The following AGPAT5 variants were observed in gnomAD, a reference collection of about 807,000 sequenced individuals.
AGPAT5 encodes the protein 1-acylglycerol-3-phosphate O-acyltransferase 5.
AGPAT5 carries 46 observed loss-of-function variants against 45.6 expected under a neutral mutation model. The observed-to-expected ratio is 1.01, with a 90% CI of 0.80 to 1.29. The LOEUF is 1.29. Ranked by LOEUF, AGPAT5 falls within the 50% of genes most tolerant of loss-of-function variation. AGPAT5 has a pLI of 0.00. For missense variants in AGPAT5, 673 were observed against 450.7 expected (o/e 1.49, Z -4.47); for synonymous variants, 272 against 167.0 (o/e 1.63, Z -4.85).
Position 6,760,520 on chromosome 8 carries a change from G to C in AGPAT5, c.*3132G>C, listed in dbSNP as rs893779886. ...GAAATGTCTACCAAAGCAGTATTTT[G>C]TGTGTATAATTGCAAGCGCATAGTA... On this transcript the variant is annotated 3_prime_UTR_variant, in exon 8 of 8. Coordinates refer to ENST00000285518, the MANE Select transcript of AGPAT5 (RefSeq NM_018361.5). Among the ~76,000 whole-genome samples, 2 of 152,208 alleles carry C rather than the reference G, an allele frequency of 1.3e-5. No homozygotes were observed. The highest frequency in any genetic ancestry group is 6.5e-5 in the Admixed American group (1 of 15,282).
chr8:6,751,461 G>C (rs1426817655), intron 6 of AGPAT5, among the ~76,000 whole-genome samples: 1 of 152,224 alleles, frequency 6.6e-6, no homozygotes, highest in East Asian at 1.9e-4. Context: ...GCAGGTGAGA[G>C]CTGGGAAGCT....
chr8:6,721,936 T>G (rs1800517526), intron 1 of AGPAT5, among the ~76,000 whole-genome samples: 1 of 152,056 alleles, frequency 6.6e-6, no homozygotes. Flanking sequence ...CAAGCGATTC[T>G]TCTGCTTGAG....
chr8:6,732,694 T>C (rs1378232627), intron 4 of AGPAT5, 44 bp downstream of exon 4: 1 of 1,439,768 alleles, frequency 6.9e-7, no homozygotes, highest in Non-Finnish European at 9.4e-7. Flanking sequence ...GCTCTCAGTT[T>C]CTAAATTTAA....
Position 6,747,559 on chromosome 8 carries a change from A to G in AGPAT5, c.587-111A>G, listed in dbSNP as rs906598052. The G allele has an allele frequency of 4.5e-5, 46 of 1,030,282 alleles. No homozygotes were observed. In the East Asian group the frequency reaches 1.2e-3, roughly 26 times the overall value. The allele number at this position is 1,030,282 out of a possible 1,614,324, so 63.8% of individuals were successfully genotyped here. On this transcript the variant is annotated intron_variant, in intron 5 of 7. Transcript: ENST00000285518. ...CTAAATATATGAGGTTGTGGAATTA[A>G]TAGATTCTGTTGTGTGTGTTTGAGG...
intron 4 of AGPAT5, among the ~76,000 whole-genome samples, chr8:6,735,548 C>G (rs937787876): frequency 3.3e-5 from 5 of 152,210 alleles, no homozygotes; most frequent in Non-Finnish European, 7.3e-5. Context: ...CATTGGCCCC[C>G]AACTAAACAA....
At chr8:6,734,269 AT>A (rs944464074) in intron 4 of AGPAT5, among the ~76,000 whole-genome samples, 22 of 143,772 alleles carry the variant, frequency 1.5e-4, no homozygotes, top group Admixed American at 5.5e-4. Flanking sequence ...TTTTTTTTTA[AT>A]TTTTTTTTTT....
At chr8:6,750,512 A>T (rs776449764) in intron 6 of AGPAT5, among the ~76,000 whole-genome samples, 13 of 152,240 alleles carry the variant, frequency 8.5e-5, no homozygotes, top group Non-Finnish European at 1.5e-4. Flanking sequence ...AATACACCAG[A>T]GTAAAATCAA....
rs1471482501 is a variant in AGPAT5 at position 6,708,706 on chromosome 8, G to T, written c.38G>T (p.Arg13Leu). 1 of 1,605,084 alleles carries T rather than the reference G, an allele frequency of 6.2e-7. No individual in the cohort carries two copies. The highest frequency in any genetic ancestry group is 8.5e-7 in the Non-Finnish European group (1 of 1,179,490). Residue 13 changes from arginine (R) to leucine (L), a missense_variant, in exon 1 of 8, where the codon CGC (arginine) becomes CTC (leucine). Arg to Leu is a moderately radical substitution (Grantham distance 102). Coordinates refer to ENST00000285518, the MANE Select transcript of AGPAT5 (RefSeq NM_018361.5). ...LSLVLHTYSM[R>L]YLLPSVVLLG... ...CTGGTGCTCCACACGTACTCCATGC[G>T]CTACCTGCTGCCCAGCGTCGTGCTC... is the stretch of plus-strand genomic sequence containing the variant.
intron 3 of AGPAT5, among the ~76,000 whole-genome samples, chr8:6,732,122 G>A (rs985074460): frequency 6.6e-6 from 1 of 152,210 alleles, no homozygotes; most frequent in Admixed American, 6.5e-5. Context: ...GTCCGTAACA[G>A]TGCCACATAA....
chr8:6,755,351 A>G lies in AGPAT5; in HGVS notation c.869+177A>G, dbSNP rs117694987. On this transcript the variant is annotated intron_variant, in intron 7 of 7. Coordinates refer to ENST00000285518, the MANE Select transcript of AGPAT5 (RefSeq NM_018361.5). ...AAACTTTACTTGTACAAATCAGTCT[A>G]AAAGAACTTGTTACAGTGGGCCCAT... Among the ~76,000 whole-genome samples, 3 of 152,372 alleles carry G rather than the reference A, an allele frequency of 2.0e-5. No homozygotes were observed. The East Asian group carries it at 5.8e-4, about 29-fold the overall frequency.
At chr8:6,736,400 C>G (rs1587037047) in intron 4 of AGPAT5, among the ~76,000 whole-genome samples, 1 of 152,082 alleles carries the variant, frequency 6.6e-6, no homozygotes, top group African/African-American at 2.4e-5. Flanking sequence ...TGGTTTTTGT[C>G]AAATCTGTTA....
intron 2 of AGPAT5, among the ~76,000 whole-genome samples, chr8:6,729,123 T>G (rs1031389122): frequency 6.6e-6 from 1 of 152,314 alleles, no homozygotes; most frequent in Non-Finnish European, 1.5e-5. Context: ...AATCCCTGAT[T>G]AAAAAGAGAG....
chr8:6,718,098 G>A (rs1215108918), intron 1 of AGPAT5, among the ~76,000 whole-genome samples: 1 of 152,194 alleles, frequency 6.6e-6, no homozygotes, highest in East Asian at 1.9e-4. Context: ...AAACTGCCTA[G>A]CTCAGTGAAT....
At chr8:6,748,133 A>C (rs146941194) in intron 6 of AGPAT5, among the ~76,000 whole-genome samples, 1 of 152,288 alleles carries the variant, frequency 6.6e-6, no homozygotes, top group Non-Finnish European at 1.5e-5. Context: ...GTGAAGAAGG[A>C]GCACGCCCGG....
chr8:6,737,335 G>C (rs1395366465), intron 4 of AGPAT5, among the ~76,000 whole-genome samples: 2 of 152,208 alleles, frequency 1.3e-5, no homozygotes, highest in African/African-American at 4.8e-5. Flanking sequence ...TTAAGTAAGT[G>C]ACATGGTAGA....
At chr8:6,723,010 T>TG (rs2116875464) in intron 1 of AGPAT5, among the ~76,000 whole-genome samples, 1 of 152,364 alleles carries the variant, frequency 6.6e-6, no homozygotes, top group Non-Finnish European at 1.5e-5. Context: ...AGGGTACATT[T>TG]GTAGACGGAA....
Position 6,747,859 on chromosome 8 carries a change from T to C in AGPAT5, c.745+31T>C, listed in dbSNP as rs140838278. ...TGTGTTCACGCACCTGAAATGCCTG[T>C]ACACGGTATATACAGTGCACATGTT... is the stretch of plus-strand genomic sequence containing the variant. On this transcript the variant is annotated intron_variant, in intron 6 of 7. Transcript: ENST00000285518. 298 of 1,611,010 alleles carry C rather than the reference T, an allele frequency of 1.8e-4. 1 individual carries two copies. In the East Asian group the frequency reaches 4.7e-3, roughly 26 times the overall value.
chr8:6,753,791 G>A (rs993289856), intron 6 of AGPAT5, among the ~76,000 whole-genome samples: 1 of 152,196 alleles, frequency 6.6e-6, no homozygotes, highest in East Asian at 1.9e-4. Flanking sequence ...CTTTATTTTA[G>A]TGTTTTGCAC....
At chr8:6,755,260 T>A in intron 7 of AGPAT5, 86 bp downstream of exon 7, 1 of 1,342,060 alleles carries the variant, frequency 7.5e-7, no homozygotes, top group Non-Finnish European at 1.0e-6. Flanking sequence ...ATGTAAATGG[T>A]TATATTGTCT....
Sources: allele counts gnomAD v4.1 joint callset (sites outside exome capture counted in the v4.1 genomes callset), GRCh38; gene constraint gnomAD v4.1.1; transcripts MANE v1.5; gene names NCBI Gene and HGNC (gene_info 2026-07-23, HGNC 2026-07-21).